CCSER1: variants seen among roughly 807,000 people sequenced by gnomAD.
The protein encoded by CCSER1 is serine-rich coiled-coil domain-containing protein 1.
Under a neutral mutation model 82.0 loss-of-function variants are expected in CCSER1, and 41 were observed. The ratio of observed to expected loss-of-function variants is 0.50; its 90% CI spans 0.39 to 0.65. The LOEUF is 0.65. Among genes scored for constraint, CCSER1 ranks in the 30% least tolerant of loss-of-function variants. CCSER1 has a pLI of 0.00. For missense variants in CCSER1, 1,119 were observed against 1,064.2 expected (o/e 1.05, Z -0.72); for synonymous variants, 414 against 383.9 (o/e 1.08, Z -0.92).
intron 6 of CCSER1, among the ~76,000 whole-genome samples, chr4:90,648,244 T>C (rs1345388384): frequency 1.7e-5 from 1 of 57,480 alleles, no homozygotes; most frequent in Non-Finnish European, 3.9e-5. Flanking sequence ...ATGAGAGGAA[T>C]AAAGGAAAAA....
rs1439627845 is a variant in CCSER1, at chr4:90,760,804, CA to C, written c.2010+36818del. 2.0e-5 allele frequency among the ~76,000 whole-genome samples: 3 copies of C among 152,104 alleles called. No individual in the cohort carries two copies. In the East Asian group the frequency reaches 5.8e-4, roughly 29 times the overall value. On this transcript the variant is annotated intron_variant, in intron 7 of 10. Transcript: ENST00000509176. ...ATGAGTTAGTTTGATGCTGAGGTTACAAAAACAAATACGGCCAACAAAGTCT... is the reference window on the plus strand; with the variant it reads ...ATGAGTTAGTTTGATGCTGAGGTTACAAAACAAATACGGCCAACAAAGTCT...
chr4:90,835,927 T>C (rs1761751984), intron 8 of CCSER1, among the ~76,000 whole-genome samples: 1 of 152,236 alleles, frequency 6.6e-6, no homozygotes, highest in South Asian at 2.1e-4. Flanking sequence ...CCAGTGACTC[T>C]ATTTAATTAA....
chr4:90,299,340 C>G (rs1033218707), intron 1 of CCSER1, among the ~76,000 whole-genome samples: 1 of 152,048 alleles, frequency 6.6e-6, no homozygotes, highest in African/African-American at 2.4e-5. Flanking sequence ...GACCCAAAGA[C>G]TGACATTTCT....
intron 10 of CCSER1, among the ~76,000 whole-genome samples, chr4:91,427,782 A>G (rs998105161): frequency 2.0e-5 from 3 of 152,098 alleles, no homozygotes; most frequent in Admixed American, 6.6e-5. Context: ...TTTGTCATGG[A>G]GTTTATTACT....
intron 9 of CCSER1, among the ~76,000 whole-genome samples, chr4:91,067,455 C>T (rs933909103): frequency 1.3e-5 from 2 of 151,770 alleles, no homozygotes; most frequent in Non-Finnish European, 1.5e-5. Context: ...AAACAGTCCT[C>T]CCTCCTCAGC....
chr4:90,258,612 A>C (rs1479614603), intron 1 of CCSER1, among the ~76,000 whole-genome samples: 2 of 152,210 alleles, frequency 1.3e-5, no homozygotes, highest in African/African-American at 4.8e-5. Context: ...TTCCTTATTT[A>C]TAGTTTCACT....
At chr4:91,375,534 T>TTA (rs1553929943) in intron 10 of CCSER1, among the ~76,000 whole-genome samples, 21 of 151,830 alleles carry the variant, frequency 1.4e-4, no homozygotes, top group African/African-American at 4.8e-4. Flanking sequence ...TTTTTTTTTT[T>TTA]TAAGACAACT....
chr4:90,341,914 T>A (rs896319675), intron 3 of CCSER1, among the ~76,000 whole-genome samples: 19 of 152,154 alleles, frequency 1.2e-4, no homozygotes, highest in African/African-American at 4.1e-4. Context: ...GATAGACTAA[T>A]AAAACCTCAA....
chr4:91,377,551 T>A (rs1332729937), intron 10 of CCSER1, among the ~76,000 whole-genome samples: 1 of 152,250 alleles, frequency 6.6e-6, no homozygotes, highest in Non-Finnish European at 1.5e-5. Context: ...TGTGTTCTTT[T>A]GAGAAGTGTC....
In CCSER1 at chr4:91,520,740, T is replaced by C. The variant is rs189522894; in HGVS notation, c.2218-77832T>C. Among the ~76,000 whole-genome samples the C allele has an allele frequency of 1.1e-3, 170 of 152,312 alleles. 1 individual carries two copies. The highest frequency in any genetic ancestry group is 3.8e-3 in the African/African-American group (159 of 41,576). On this transcript the variant is annotated intron_variant, in intron 10 of 10. Coordinates refer to ENST00000509176, the MANE Select transcript of CCSER1 (RefSeq NM_001145065.2). ...AACAAATTCCCTTAGTTTCCTTTTT[T>C]CTTTTTAATATGAAATATCCTAATT...
chr4:90,816,131 T>G (rs1452785083), intron 8 of CCSER1, among the ~76,000 whole-genome samples: 1 of 152,184 alleles, frequency 6.6e-6, no homozygotes, highest in African/African-American at 2.4e-5. Context: ...TCTTGAAGGC[T>G]TAGGCCACAT....
chr4:91,405,024 G>A (rs1457691611), intron 10 of CCSER1, among the ~76,000 whole-genome samples: 1 of 152,146 alleles, frequency 6.6e-6, no homozygotes, highest in Non-Finnish European at 1.5e-5. Flanking sequence ...TATTGTGTGG[G>A]AGTGTAAGTC....
chr4:90,888,832 T>G (rs1032472951), intron 8 of CCSER1, among the ~76,000 whole-genome samples: 5 of 152,142 alleles, frequency 3.3e-5, no homozygotes, highest in Non-Finnish European at 7.4e-5. Context: ...TAGTAAAGCT[T>G]TTTAACTCTA....
chr4:90,837,879 C>A (rs929928078), intron 8 of CCSER1, among the ~76,000 whole-genome samples: 5 of 152,010 alleles, frequency 3.3e-5, no homozygotes, highest in African/African-American at 1.2e-4. Context: ...TTATATGGGA[C>A]AGTGTTTAAG....
intron 7 of CCSER1, among the ~76,000 whole-genome samples, chr4:90,787,963 A>G (rs1754734981): frequency 6.6e-6 from 1 of 152,338 alleles, no homozygotes; most frequent in South Asian, 2.1e-4. Flanking sequence ...CTACTGCTAC[A>G]TACACTGACT....
At chr4:91,263,531 A>C (rs1265355848) in intron 10 of CCSER1, among the ~76,000 whole-genome samples, 2 of 151,966 alleles carry the variant, frequency 1.3e-5, no homozygotes, top group Non-Finnish European at 2.9e-5. Flanking sequence ...TAACTGACCC[A>C]CATTTTCCTA....
chr4:91,165,236 C>A (rs935412190), intron 10 of CCSER1, among the ~76,000 whole-genome samples: 1 of 152,128 alleles, frequency 6.6e-6, no homozygotes, highest in African/African-American at 2.4e-5. Context: ...CACTCCAGAC[C>A]CTGTTTGCCT....
intron 3 of CCSER1, among the ~76,000 whole-genome samples, chr4:90,347,021 T>C (rs770949720): frequency 5.3e-5 from 8 of 152,148 alleles, no homozygotes; most frequent in Non-Finnish European, 1.0e-4. Flanking sequence ...TCAATATGGA[T>C]AGCTCTGATC....
At chr4:91,324,354 CTG>C (rs1746402213) in intron 10 of CCSER1, among the ~76,000 whole-genome samples, 1 of 152,158 alleles carries the variant, frequency 6.6e-6, no homozygotes, top group South Asian at 2.1e-4. Flanking sequence ...TAATTGCTAA[CTG>C]TGCTCAGCAA....
Sources: gnomAD v4.1 joint callset for allele counts (sites outside exome capture counted in the v4.1 genomes callset) on GRCh38, gnomAD v4.1.1 for gene constraint, MANE v1.5 for transcripts, NCBI Gene and HGNC (gene_info 2026-07-23, HGNC 2026-07-21) for gene names.